Variants in TWIST2 observed in about 807,000 individuals in gnomAD.
TWIST2 encodes twist-related protein 2.
A neutral mutation model predicts 11.6 loss-of-function variants in TWIST2; 1 was observed. The ratio of observed to expected loss-of-function variants is 0.09; its 90% CI spans 0.03 to 0.41. The LOEUF is 0.41. Among genes scored for constraint, TWIST2 ranks in the 10% least tolerant of loss-of-function variants. The probability of loss-of-function intolerance (pLI) is 0.98; values close to 1 mark genes in which losing one functional copy is unlikely to be tolerated. For synonymous variants in TWIST2, 87 were observed against 96.6 expected (o/e 0.90, Z 0.58); for missense variants, 168 against 226.4 (o/e 0.74, Z 1.66).
chr2:238,886,095 C>CAAAAAAA (rs67714100), intron 1 of TWIST2, among the ~76,000 whole-genome samples: 1 of 123,264 alleles, frequency 8.1e-6, no homozygotes. Context: ...GACTCCATCT[C>CAAAAAAA]AAAAAAAAAA....
intron 1 of TWIST2, among the ~76,000 whole-genome samples, chr2:238,868,643 C>G (rs1438708859): frequency 1.3e-5 from 2 of 152,196 alleles, no homozygotes; most frequent in Non-Finnish European, 2.9e-5. Flanking sequence ...GTGACTGTGT[C>G]TGTGGGACAA....
intron 1 of TWIST2, among the ~76,000 whole-genome samples, chr2:238,855,947 C>T (rs1692321837): frequency 6.6e-6 from 1 of 152,164 alleles, no homozygotes; most frequent in South Asian, 2.1e-4. Context: ...TTCACTGATA[C>T]CAGAACAGGA....
At chr2:238,878,052 T>C (rs1371420224) in intron 1 of TWIST2, among the ~76,000 whole-genome samples, 2 of 152,178 alleles carry the variant, frequency 1.3e-5, no homozygotes, top group Non-Finnish European at 2.9e-5. Context: ...AGACGGTGGA[T>C]TATGCGGAGC....
intron 1 of TWIST2, among the ~76,000 whole-genome samples, chr2:238,888,572 T>C (rs1043948885): frequency 1.1e-4 from 16 of 152,254 alleles, no homozygotes; most frequent in African/African-American, 3.9e-4. Flanking sequence ...TACTCAAGGA[T>C]GTTGAGATGA....
rs1692468864 is a variant in TWIST2, at chr2:238,863,433, G to A, written c.*35+14700G>A. ...GATGCACCCGGAATGTACCAGCGCG[G>A]CTCCCTGATGGAGCTGGCGACGTCC... On this transcript the variant is annotated intron_variant, in intron 1 of 1. Coordinates refer to ENST00000612363, the MANE Select transcript of TWIST2 (RefSeq NM_001271893.4). This position sits in a 1 kb window ranked among gnomAD's most constrained non-coding sequence, Gnocchi z 4.7. Among the ~76,000 whole-genome samples, 1 of 152,188 alleles carries A rather than the reference G, an allele frequency of 6.6e-6. No homozygotes were observed. The highest frequency in any genetic ancestry group is 2.4e-5 in the African/African-American group (1 of 41,438).
Position 238,857,297 on chromosome 2 carries a change from C to T in TWIST2, c.*35+8564C>T, listed in dbSNP as rs563087927. ...CTGGACGGGCCTTGGAGCCCATCTTCGCTAAGGCCCAAGTCACCTATCAGC... is the reference window on the plus strand; with the variant it reads ...CTGGACGGGCCTTGGAGCCCATCTTTGCTAAGGCCCAAGTCACCTATCAGC... On this transcript the variant is annotated intron_variant, in intron 1 of 1. Transcript: ENST00000612363. 1.8e-4 allele frequency among the ~76,000 whole-genome samples: 28 copies of T among 152,296 alleles called. No homozygotes were observed. In the South Asian group the frequency reaches 2.9e-3, roughly 16 times the overall value.
chr2:238,867,499 C>T lies in TWIST2; in HGVS notation c.*35+18766C>T, dbSNP rs1271044208. Reference sequence around the variant, plus strand: ...AATAAAGAGAAGTCCCAGCCAGCTCCCGGGGTGGTGTGGGCTGAGGAAGAG... The same window carrying T: ...AATAAAGAGAAGTCCCAGCCAGCTCTCGGGGTGGTGTGGGCTGAGGAAGAG... On this transcript the variant is annotated intron_variant, in intron 1 of 1. Coordinates refer to ENST00000612363, the MANE Select transcript of TWIST2 (RefSeq NM_001271893.4). The surrounding 1 kb of genome is among the most constrained non-coding windows in gnomAD (Gnocchi z 4.8). Among the ~76,000 whole-genome samples, 1 of 151,896 alleles carries T rather than the reference C, an allele frequency of 6.6e-6. No individual in the cohort carries two copies. The highest frequency in any genetic ancestry group is 1.5e-5 in the Non-Finnish European group (1 of 68,014).
chr2:238,896,057 T>C (rs1372980419), intron 1 of TWIST2, among the ~76,000 whole-genome samples: 4 of 151,970 alleles, frequency 2.6e-5, no homozygotes. Context: ...GCCCCGGCGT[T>C]GTAAATATGG....
chr2:238,876,737 G>C (rs1255984838), intron 1 of TWIST2, among the ~76,000 whole-genome samples: 1 of 152,146 alleles, frequency 6.6e-6, no homozygotes, highest in African/African-American at 2.4e-5. Context: ...GCCTTTGCCA[G>C]GTTTTTGACA....
At chr2:238,908,436 TACAC>T (rs1222053951) in intron 1 of TWIST2, among the ~76,000 whole-genome samples, 4 of 149,730 alleles carry the variant, frequency 2.7e-5, no homozygotes, top group South Asian at 2.1e-4. Context: ...ACATACCACA[TACAC>T]ACACATGCAC....
At chr2:238,886,028 G>T (rs1044284601) in intron 1 of TWIST2, among the ~76,000 whole-genome samples, 1 of 151,528 alleles carries the variant, frequency 6.6e-6, no homozygotes, top group Non-Finnish European at 1.5e-5. Context: ...CCTGGGAGGC[G>T]GAGGTTGCAG....
At chr2:238,894,606 C>T (rs944377367) in intron 1 of TWIST2, among the ~76,000 whole-genome samples, 12 of 152,190 alleles carry the variant, frequency 7.9e-5, no homozygotes, top group African/African-American at 2.9e-4. Context: ...CTTTCCTGGC[C>T]TCCTTGTCGC....
At chr2:238,862,885 G>A (rs911868194) in intron 1 of TWIST2, among the ~76,000 whole-genome samples, 8 of 152,108 alleles carry the variant, frequency 5.3e-5, no homozygotes, top group East Asian at 1.9e-4. Context: ...ATAAAGTGAC[G>A]GCCATGATTG....
chr2:238,907,087 T>C (rs1285910975), intron 1 of TWIST2, among the ~76,000 whole-genome samples: 1 of 152,194 alleles, frequency 6.6e-6, no homozygotes, highest in Non-Finnish European at 1.5e-5. Flanking sequence ...TCAGGTCTCC[T>C]GGCAGGACAG....
At chr2:238,875,349 TC>T (rs1395957390) in intron 1 of TWIST2, among the ~76,000 whole-genome samples, 4 of 151,802 alleles carry the variant, frequency 2.6e-5, no homozygotes, top group African/African-American at 9.7e-5. Context: ...GACGGCCTCT[TC>T]CAAGACTCCT....
intron 1 of TWIST2, among the ~76,000 whole-genome samples, chr2:238,907,775 C>T (rs1693378923): frequency 6.6e-6 from 1 of 151,486 alleles, no homozygotes; most frequent in South Asian, 2.1e-4. Context: ...ACAAACACTC[C>T]ACATACCCAC....
intron 1 of TWIST2, among the ~76,000 whole-genome samples, chr2:238,889,862 G>A (rs1203322934): frequency 3.9e-5 from 6 of 152,242 alleles, no homozygotes; most frequent in Admixed American, 2.6e-4. Context: ...CCATTTTATA[G>A]ATGAGAAATG....
At chr2:238,902,546 ATG>A (rs1693281832) in intron 1 of TWIST2, among the ~76,000 whole-genome samples, 2 of 136,006 alleles carry the variant, frequency 1.5e-5, no homozygotes, top group Admixed American at 7.3e-5. Context: ...TGGTGTGTGC[ATG>A]TGTGTGCGAT....
chr2:238,906,575 C>T (rs1693358946), intron 1 of TWIST2, among the ~76,000 whole-genome samples: 1 of 152,076 alleles, frequency 6.6e-6, no homozygotes, highest in East Asian at 1.9e-4. Context: ...ACACAATTTA[C>T]ACAACTTGCA....
Sources: gnomAD v4.1 joint callset for allele counts (sites outside exome capture counted in the v4.1 genomes callset) on GRCh38, gnomAD v4.1.1 for gene constraint, Gnocchi (gnomAD v3.1) non-coding constraint, MANE v1.5 for transcripts, NCBI Gene and HGNC (gene_info 2026-07-23, HGNC 2026-07-21) for gene names.